Variants in KCNK10 observed in about 807,000 individuals in gnomAD.
KCNK10 encodes the protein potassium channel subfamily K member 10.
In KCNK10, 25 loss-of-function variants were observed where a neutral mutation model predicts 47.7. That is an observed-to-expected ratio of 0.52 (90% CI 0.38 to 0.73). The LOEUF (loss-of-function observed/expected upper bound fraction) is 0.73. Ranked by LOEUF, KCNK10 falls within the 30% of genes least tolerant of loss-of-function variation. The pLI, the probability that KCNK10 is intolerant of heterozygous loss-of-function variation, is 0.00. For missense variants in KCNK10, 563 were observed against 714.5 expected, an observed-to-expected ratio of 0.79 and a Z score of 2.42; for synonymous variants, 303 against 285.6, an observed-to-expected ratio of 1.06 and a Z score of -0.61.
chr14:88,195,026 T>TAA (rs11430813), intron 4 of KCNK10, among the ~76,000 whole-genome samples: 7,227 of 148,324 alleles, frequency 0.049, 206 homozygotes, highest in Non-Finnish European at 0.064. Context: ...TCTAGGTATT[T>TAA]AAAAAAAAAA....
In KCNK10 at chr14:88,302,671, C is replaced by T. The variant is rs541940957; in HGVS notation, c.52+20076G>A. 2.0e-5 allele frequency among the ~76,000 whole-genome samples: 3 copies of T among 152,298 alleles called. No individual in the cohort carries two copies. The South Asian group carries it at 6.2e-4, about 32-fold the overall frequency. ...GTTGCAGTGAATTGAGATCGTGCCA[C>T]TGCACTCCAGCCTGGGCAACAGAGA... On this transcript the variant is annotated intron_variant, in intron 1 of 6. Transcript: ENST00000319231.
At chr14:88,248,139 C>A (rs1356740798) in intron 2 of KCNK10, among the ~76,000 whole-genome samples, 1 of 152,160 alleles carries the variant, frequency 6.6e-6, no homozygotes, top group African/African-American at 2.4e-5. Flanking sequence ...ATATGCCTTG[C>A]TCTCTCTGCA....
intron 1 of KCNK10, among the ~76,000 whole-genome samples, chr14:88,284,668 T>C (rs1887725344): frequency 6.6e-6 from 1 of 152,160 alleles, no homozygotes; most frequent in African/African-American, 2.4e-5. Flanking sequence ...TTCCACCTTC[T>C]TCTGCCTGCT....
At chr14:88,316,672 A>G (rs1888436671) in intron 1 of KCNK10, among the ~76,000 whole-genome samples, 1 of 152,224 alleles carries the variant, frequency 6.6e-6, no homozygotes, top group South Asian at 2.1e-4. Flanking sequence ...GAATCAGAGT[A>G]CTGAAAAAGA....
rs201864142 is a variant in KCNK10 at position 88,310,155 on chromosome 14, CTCATATACCATATCATATGGTATATG to C, written c.52+12566_52+12591del. On this transcript the variant is annotated intron_variant, in intron 1 of 6. Coordinates refer to ENST00000319231, the MANE Select transcript of KCNK10 (RefSeq NM_138317.3). ...AGCTGATGTTTTAATCCATATCTCT[CTCATATACCATATCATATGGTATATG>C]ATATACCATATCATATGGTATATGA... Among the ~76,000 whole-genome samples the C allele has an allele frequency of 5.2e-3, 123 of 23,874 alleles. 6 individuals carry two copies. Among genetic ancestry groups the C allele is most frequent in the African/African-American group, 7.2e-3 (38 of 5,302 alleles). 15.7% of individuals were successfully genotyped at this position (23,874 alleles called of 152,430 possible).
intron 1 of KCNK10, among the ~76,000 whole-genome samples, chr14:88,286,255 T>C (rs1887758164): frequency 6.6e-6 from 1 of 152,180 alleles, no homozygotes; most frequent in Non-Finnish European, 1.5e-5. Flanking sequence ...CGTTGCAGAA[T>C]AGAGACAAAC....
At chr14:88,297,582 C>T (rs144378464) in intron 1 of KCNK10, among the ~76,000 whole-genome samples, 5 of 152,288 alleles carry the variant, frequency 3.3e-5, no homozygotes, top group African/African-American at 1.2e-4. Flanking sequence ...TTCATTTGTA[C>T]CCTAAATTGT....
chr14:88,201,596 C>T (rs527711279), intron 4 of KCNK10, among the ~76,000 whole-genome samples: 1 of 151,958 alleles, frequency 6.6e-6, no homozygotes, highest in African/African-American at 2.4e-5. Flanking sequence ...GGAGGCAGAG[C>T]TTGCAGTGAG....
At chr14:88,197,965 G>A (rs1421113573) in intron 4 of KCNK10, among the ~76,000 whole-genome samples, 2 of 152,162 alleles carry the variant, frequency 1.3e-5, no homozygotes, top group African/African-American at 4.8e-5. Context: ...CTGAGCCTTT[G>A]TCTGAAAAGG....
intron 1 of KCNK10, among the ~76,000 whole-genome samples, chr14:88,311,362 G>A (rs1888325150): frequency 6.6e-6 from 1 of 151,994 alleles, no homozygotes; most frequent in Non-Finnish European, 1.5e-5. Context: ...TAGTAAGTAA[G>A]ACCTACTATG....
In KCNK10 at chr14:88,279,364, CGTGTGTGTGTGTGTGT is replaced by C. The variant is rs58319931; in HGVS notation, c.53-15829_53-15814del. Among the ~76,000 whole-genome samples the C allele has an allele frequency of 4.3e-4, 59 of 137,676 alleles. 1 individual carries two copies. In the South Asian group the frequency reaches 0.01, roughly 24 times the overall value. The allele number at this position is 137,676 out of a possible 152,430, so 90.3% of individuals were successfully genotyped here. A position where few individuals can be genotyped will look rare whatever the true frequency, so the allele number is the denominator to read the frequency against. ...TTAGTTAAGGGAGAATTGCCAGATA[CGTGTGTGTGTGTGTGT>C]GTGTGTGTGTGTGTGTGTGTGTGTG... is the stretch of plus-strand genomic sequence containing the variant. On this transcript the variant is annotated intron_variant, in intron 1 of 6. Coordinates refer to ENST00000319231, the MANE Select transcript of KCNK10 (RefSeq NM_138317.3).
At position 88,301,678 on chromosome 14, in the gene KCNK10, G is replaced by A. The variant is rs370919729; in HGVS notation, c.52+21069C>T. 3.4e-5 allele frequency among the ~76,000 whole-genome samples: 5 copies of A among 148,552 alleles called. No homozygotes were observed. In the East Asian group the frequency reaches 5.9e-4, roughly 18 times the overall value. ...AAAAAAAAAAAAGAGGTCCCGTAAAGGCCCTCAGATCAGGAGGAGCTTGTT... is the reference window on the plus strand; with the variant it reads ...AAAAAAAAAAAAGAGGTCCCGTAAAAGCCCTCAGATCAGGAGGAGCTTGTT... On this transcript the variant is annotated intron_variant, in intron 1 of 6. Coordinates refer to ENST00000319231, the MANE Select transcript of KCNK10 (RefSeq NM_138317.3).
intron 1 of KCNK10, among the ~76,000 whole-genome samples, chr14:88,266,613 A>G (rs191637335): frequency 8.6e-4 from 131 of 152,302 alleles, no homozygotes; most frequent in African/African-American, 2.6e-3. Context: ...ATTCCTTCAC[A>G]CAAAAGCCCC....
At position 88,222,924 on chromosome 14, in the gene KCNK10, G is replaced by A. The variant is rs747034749; in HGVS notation, c.681+4451C>T. On this transcript the variant is annotated intron_variant, in intron 4 of 6. Coordinates refer to ENST00000319231, the MANE Select transcript of KCNK10 (RefSeq NM_138317.3). ...GCTGATAGCACAAGCCTGAGTCAAC[G>A]TACCTCCAGGCTTCTTGCTATGTGA... 2.6e-5 allele frequency among the ~76,000 whole-genome samples: 4 copies of A among 152,158 alleles called. No homozygotes were observed. The South Asian group carries it at 6.2e-4, about 24-fold the overall frequency.
chr14:88,306,126 G>A (rs1888198086), intron 1 of KCNK10, among the ~76,000 whole-genome samples: 1 of 152,210 alleles, frequency 6.6e-6, no homozygotes, highest in Non-Finnish European at 1.5e-5. Flanking sequence ...TGGAACATCT[G>A]CTACATCAGA....
rs567253035 is a variant in KCNK10 at position 88,288,279 on chromosome 14, A to C, written c.53-24728T>G. The stretch of plus-strand genomic sequence containing the variant: ...GCTGCTTGTCCAAGTAGCACATTGA[A>C]CATGATTCAAAGAGAAATTTTGTTT... On this transcript the variant is annotated intron_variant, in intron 1 of 6. Transcript: ENST00000319231. 7.4e-4 allele frequency among the ~76,000 whole-genome samples: 112 copies of C among 152,332 alleles called. 1 individual carries two copies. The highest frequency in any genetic ancestry group is 2.5e-3 in the African/African-American group (105 of 41,576).
intron 1 of KCNK10, among the ~76,000 whole-genome samples, chr14:88,303,380 G>T (rs1007188972): frequency 1.3e-5 from 2 of 152,132 alleles, no homozygotes; most frequent in Admixed American, 1.3e-4. Flanking sequence ...GTCCATAAGT[G>T]GCCTCCAAAG....
At chr14:88,225,457 G>A (rs1885953080) in intron 4 of KCNK10, among the ~76,000 whole-genome samples, 2 of 152,226 alleles carry the variant, frequency 1.3e-5, no homozygotes, top group South Asian at 2.1e-4. Context: ...TGGTCCATTT[G>A]AGACGCAGCT....
rs777950863 is a variant in KCNK10 at position 88,205,431 on chromosome 14, C to T, written c.682-13021G>A. On this transcript the variant is annotated intron_variant, in intron 4 of 6. Coordinates refer to ENST00000319231, the MANE Select transcript of KCNK10 (RefSeq NM_138317.3). ...GTCCCCTGTCCATAGAACTGCTCAACCTGCATCACTGTCTGTCCATCCATC... is the reference window on the plus strand; with the variant it reads ...GTCCCCTGTCCATAGAACTGCTCAATCTGCATCACTGTCTGTCCATCCATC... Among the ~76,000 whole-genome samples, 9 of 152,288 alleles carry T rather than the reference C, an allele frequency of 5.9e-5. No homozygotes were observed. In the South Asian group the frequency reaches 1.9e-3, roughly 32 times the overall value.
Sources: gnomAD v4.1 joint callset for allele counts (sites outside exome capture counted in the v4.1 genomes callset) on GRCh38, gnomAD v4.1.1 for gene constraint, MANE v1.5 for transcripts, NCBI Gene and HGNC (gene_info 2026-07-23, HGNC 2026-07-21) for gene names.